UBR4: variants seen among roughly 807,000 people sequenced by gnomAD.
UBR4 encodes the protein E3 ubiquitin-protein ligase UBR4.
A neutral mutation model predicts 575.6 loss-of-function variants in UBR4; 124 were observed. That is an observed-to-expected ratio of 0.22 (90% confidence interval 0.19 to 0.25). The LOEUF (loss-of-function observed/expected upper bound fraction) is 0.25. Among genes scored for constraint, UBR4 ranks in the 10% least tolerant of loss-of-function variants. The pLI is 1.00. For missense variants in UBR4, 4,818 were observed against 6,478.8 expected (o/e 0.74, Z 8.80); for synonymous variants, 2,455 against 2,473.7 (o/e 0.99, Z 0.22).
At chr1:19,084,470 G>C in intron 102 of UBR4, 34 bp downstream of exon 102, 1 of 1,575,266 alleles carries the variant, frequency 6.3e-7, no homozygotes, top group East Asian at 2.3e-5. Flanking sequence ...GGGTGGGTCT[G>C]CGAGATGCCG....
rs1015298799 is a variant in UBR4 at position 19,157,189 on chromosome 1, C to T, written c.5761-264G>A. Among the ~76,000 whole-genome samples, 3 of 152,216 alleles carry T rather than the reference C, an allele frequency of 2.0e-5. No individual in the cohort carries two copies. The highest frequency in any genetic ancestry group is 4.8e-5 in the African/African-American group (2 of 41,448). On this transcript the variant is annotated intron_variant, in intron 40 of 105. Coordinates refer to ENST00000375254, the MANE Select transcript of UBR4 (RefSeq NM_020765.3). The surrounding 1 kb of genome is among the most constrained non-coding windows in gnomAD (Gnocchi z 4.4). ...TCACAAAATAGTTTAAGAATACCTA[C>T]GTACCACTGTCCTTTTCTAGTTTTC...
At chr1:19,188,824 C>T (rs1418158297) in intron 11 of UBR4, among the ~76,000 whole-genome samples, 1 of 152,024 alleles carries the variant, frequency 6.6e-6, no homozygotes, top group East Asian at 1.9e-4. Flanking sequence ...TAAAAATTAG[C>T]TGGGCATGGT....
intron 30 of UBR4, 116 bp downstream of exon 30, chr1:19,165,540 C>A: frequency 8.3e-7 from 1 of 1,202,178 alleles, no homozygotes; most frequent in South Asian, 1.4e-5. Context: ...AAAGTGCAGA[C>A]ACCTAACCAG....
intron 93 of UBR4, 45 bp downstream of exon 93, chr1:19,095,500 A>C: frequency 3.2e-6 from 5 of 1,583,480 alleles, no homozygotes; most frequent in Non-Finnish European, 4.3e-6. Context: ...TCACACCCAG[A>C]CTTCCAAGGC....
chr1:19,153,318 C>A lies in UBR4; in HGVS notation c.6815G>T (p.Arg2272Leu), dbSNP rs771802604. The A allele has an allele frequency of 6.8e-6, 11 of 1,614,168 alleles. No individual in the cohort carries two copies. The highest frequency in any genetic ancestry group is 1.7e-5 in the Admixed American group (1 of 60,022). The change falls in exon 46 of 106, where the codon CGC (arginine) becomes CTC (leucine). Residue 2272 changes from arginine (R) to leucine (L), a missense_variant. Transcript: ENST00000375254. This position sits in a 1 kb window ranked among gnomAD's most constrained non-coding sequence, Gnocchi z 4.1. ...VISIMKPVRK[R>L]KTATITTRTS... ...AGCCTTACTGATTGTAGCTGTTTTG[C>A]GCTTTCGAACAGGCTTCATGATGCT...
rs747241581 is a variant in UBR4 at position 19,112,805 on chromosome 1, A to G, written c.11520T>C (p.Thr3840=). The G allele has an allele frequency of 2.4e-5, 38 of 1,614,014 alleles. No homozygotes were observed. The highest frequency in any genetic ancestry group is 3.1e-5 in the Non-Finnish European group (36 of 1,179,960). Residue 3840 remains threonine, a synonymous_variant, in exon 78 of 106, where the codon ACT becomes ACC. Coordinates refer to ENST00000375254, the MANE Select transcript of UBR4 (RefSeq NM_020765.3). The part of the protein sequence containing the change: ...EYDLQQREAA[T]KSSRTSVQPT... ...GCTGCACGGAGGTCCGGGATGATTTAGTGGCTGCTTCCCTCTGCTGTAGGT... is the reference window on the plus strand; with the variant it reads ...GCTGCACGGAGGTCCGGGATGATTTGGTGGCTGCTTCCCTCTGCTGTAGGT...
chr1:19,191,570 G>A (rs374168173), intron 11 of UBR4, among the ~76,000 whole-genome samples: 5 of 152,204 alleles, frequency 3.3e-5, no homozygotes, highest in Admixed American at 1.3e-4. Flanking sequence ...TAATCTACTC[G>A]TTAATAGATT....
At chr1:19,102,511 A>T (rs2078746219) in intron 87 of UBR4, among the ~76,000 whole-genome samples, 1 of 151,318 alleles carries the variant, frequency 6.6e-6, no homozygotes, top group Non-Finnish European at 1.5e-5. Flanking sequence ...GCAATAAGGC[A>T]AACGAGGTTC....
intron 81 of UBR4, among the ~76,000 whole-genome samples, 163 bp from the exon 82 acceptor site, chr1:19,107,129 C>T (rs892337969): frequency 1.3e-5 from 2 of 152,142 alleles, no homozygotes; most frequent in African/African-American, 4.8e-5. Flanking sequence ...TCCTGTTAAA[C>T]CATTTTGATC....
intron 55 of UBR4, among the ~76,000 whole-genome samples, chr1:19,143,266 GAAA>G (rs2084301345): frequency 2.0e-4 from 11 of 54,322 alleles, no homozygotes; most frequent in Admixed American, 4.2e-4. Flanking sequence ...AAGGAAGAAA[GAAA>G]GAAAGAAAGA....
intron 99 of UBR4, 109 bp from the exon 100 acceptor site, chr1:19,086,930 A>G: frequency 6.8e-7 from 1 of 1,466,676 alleles, no homozygotes; most frequent in Non-Finnish European, 9.2e-7. Context: ...CTTGGGTTTC[A>G]GGTTGCTCTC....
intron 41 of UBR4, 101 bp from the exon 42 acceptor site, chr1:19,156,524 T>G (rs533514028): frequency 7.0e-7 from 1 of 1,436,934 alleles, no homozygotes; most frequent in Non-Finnish European, 9.4e-7. Context: ...TAATATCCCC[T>G]GCCTTCAGAC....
intron 87 of UBR4, among the ~76,000 whole-genome samples, chr1:19,102,174 T>C (rs1014999011): frequency 6.6e-6 from 1 of 152,184 alleles, no homozygotes; most frequent in African/African-American, 2.4e-5. Flanking sequence ...GAGACCAGGC[T>C]AGGCAATGTG....
chr1:19,096,898 T>C (rs941193131), intron 91 of UBR4, among the ~76,000 whole-genome samples: 3 of 152,032 alleles, frequency 2.0e-5, no homozygotes, highest in Non-Finnish European at 4.4e-5. Context: ...TGAGCACCAA[T>C]ACCATCAATG....
At position 19,138,117 on chromosome 1, in the gene UBR4, A is replaced by G; in HGVS notation, c.8796T>C (p.Ser2932=). 1 of 1,598,330 alleles carries G rather than the reference A, an allele frequency of 6.3e-7. No individual in the cohort carries two copies. The highest frequency in any genetic ancestry group is 2.3e-5 in the East Asian group (1 of 44,180). The change falls in exon 60 of 106, where the codon AGT becomes AGC. Residue 2932 remains serine (S), a synonymous_variant. Transcript: ENST00000375254. ...TAEGHPAGPG[S]VSSSTGAIST... ...TGATGGCTCCAGTGCTTGAGCTGAC[A>G]CTTCCTGGTCCAGCCGGATGCCCCT...
rs572887242 is a variant in UBR4 at position 19,160,386 on chromosome 1, T to C, written c.5407-105A>G. The C allele has an allele frequency of 9.4e-5, 104 of 1,103,018 alleles. 1 individual carries two copies. In the African/African-American group the frequency reaches 1.3e-3, roughly 14 times the overall value. 68.3% of individuals were successfully genotyped at this position (1,103,018 alleles called of 1,614,324 possible). ...CCAGTAACTTCCTTCAGAATCCAGCTACTTCACTTCCAGTTGGATATTCTA... is the reference window on the plus strand; with the variant it reads ...CCAGTAACTTCCTTCAGAATCCAGCCACTTCACTTCCAGTTGGATATTCTA... On this transcript the variant is annotated intron_variant, in intron 38 of 105. Coordinates refer to ENST00000375254, the MANE Select transcript of UBR4 (RefSeq NM_020765.3).
chr1:19,162,291 G>C (rs188241808), intron 35 of UBR4, 129 bp downstream of exon 35: 1 of 1,144,624 alleles, frequency 8.7e-7, no homozygotes, highest in Non-Finnish European at 1.2e-6. Flanking sequence ...AGAAAATTGG[G>C]GCCTGGCAGC....
rs1216918328 is a variant in UBR4, at chr1:19,157,397, T to C, written c.5760+418A>G. Among the ~76,000 whole-genome samples the C allele has an allele frequency of 6.6e-6, 1 of 152,242 alleles. No homozygotes were observed. Among genetic ancestry groups the C allele is most frequent in the African/African-American group, 2.4e-5 (1 of 41,460 alleles). ...CTATAACACAATACAAACTTACTTA[T>C]GTGCTTAACAGAGCTGGGATGGCAC... On this transcript the variant is annotated intron_variant, in intron 40 of 105. Transcript: ENST00000375254. This position sits in a 1 kb window ranked among gnomAD's most constrained non-coding sequence, Gnocchi z 4.4.
At chr1:19,130,041 AAGGAC>A (rs1371384894) in intron 60 of UBR4, among the ~76,000 whole-genome samples, 2 of 152,212 alleles carry the variant, frequency 1.3e-5, no homozygotes, top group Non-Finnish European at 2.9e-5. Flanking sequence ...AAATACAAAA[AAGGAC>A]CAAAAAAATT....
Sources: allele counts gnomAD v4.1 joint callset (sites outside exome capture counted in the v4.1 genomes callset), GRCh38; gene constraint gnomAD v4.1.1; non-coding constraint Gnocchi (gnomAD v3.1); transcripts MANE v1.5; gene names NCBI Gene and HGNC (gene_info 2026-07-23, HGNC 2026-07-21).